The following LOC400499 variants were observed in gnomAD, a reference collection of about 807,000 sequenced individuals.
chr16:11,384,955 G>T, the LOC400499 span: 1 of 1,232,180 alleles, frequency 8.1e-7, no homozygotes, highest in Non-Finnish European at 1.0e-6. Context: ...CAGACACCCC[G>T]TCCTCGCTGG....
At chr16:11,464,126 A>G in the LOC400499 span, among the ~76,000 whole-genome samples, 114,560 of 152,142 alleles carry the variant, frequency 0.75, 43,719 homozygotes, top group Admixed American at 0.8. Flanking sequence ...ATGTTCGTGT[A>G]TGTAAATATG....
the LOC400499 span, chr16:11,446,980 C>A: frequency 6.8e-7 from 1 of 1,475,104 alleles, no homozygotes; most frequent in Non-Finnish European, 9.0e-7. Context: ...CAATTGTGCC[C>A]CACGGTCTCA....
the LOC400499 span, among the ~76,000 whole-genome samples, chr16:11,419,165 C>CA: frequency 1.0e-4 from 14 of 139,680 alleles, no homozygotes; most frequent in South Asian, 2.2e-4. Context: ...AACTCTGTCT[C>CA]AAAAAAACAA....
At chr16:11,426,650 T>C in the LOC400499 span, among the ~76,000 whole-genome samples, 4,153 of 151,434 alleles carry the variant, frequency 0.027, 187 homozygotes, top group African/African-American at 0.095. Flanking sequence ...CAGGCCAGGC[T>C]GGGTGCAGTG....
the LOC400499 span, among the ~76,000 whole-genome samples, chr16:11,490,396 G>GA: frequency 0.21 from 12,467 of 60,232 alleles, 1,498 homozygotes; most frequent in Non-Finnish European, 0.22. Flanking sequence ...ACTCTGTCTC[G>GA]AAAAAAAAAA....
chr16:11,491,725 G>T, the LOC400499 span: 4 of 397,868 alleles, frequency 1.0e-5, no homozygotes, highest in East Asian at 1.4e-4. Context: ...TCGCCTGCCT[G>T]GGTGCGCCGC....
the LOC400499 span, chr16:11,414,599 C>T: frequency 2.5e-6 from 1 of 399,080 alleles, no homozygotes; most frequent in South Asian, 1.3e-4. Flanking sequence ...AGGCCATGCC[C>T]TGTGGCCCTC....
chr16:11,379,799 T>A, the LOC400499 span, among the ~76,000 whole-genome samples: 1 of 152,060 alleles, frequency 6.6e-6, no homozygotes, highest in Non-Finnish European at 1.5e-5. Context: ...AGGATCTCAT[T>A]TGCTTTTGTG....
chr16:11,407,240 C>T, the LOC400499 span: 3 of 399,070 alleles, frequency 7.5e-6, no homozygotes, highest in Admixed American at 4.4e-5. Flanking sequence ...ATTGTTGAGA[C>T]CGGCCTTAGC....
At chr16:11,456,139 G>C in the LOC400499 span, among the ~76,000 whole-genome samples, 2 of 151,728 alleles carry the variant, frequency 1.3e-5, no homozygotes, top group Non-Finnish European at 2.9e-5. Context: ...CCGCCTCCTG[G>C]GTTCAAGCGA....
At chr16:11,503,059 A>G in the LOC400499 span, among the ~76,000 whole-genome samples, 3 of 151,146 alleles carry the variant, frequency 2.0e-5, no homozygotes, top group East Asian at 5.8e-4. Flanking sequence ...GTAGCTGGGA[A>G]TACTGGTGTG....
chr16:11,515,002 G>C, the LOC400499 span, among the ~76,000 whole-genome samples: 1 of 152,250 alleles, frequency 6.6e-6, no homozygotes, highest in East Asian at 1.9e-4. Flanking sequence ...GCGGGGAGGA[G>C]GGCGTGGGGA....
chr16:11,477,371 G>A, the LOC400499 span, among the ~76,000 whole-genome samples: 12 of 152,210 alleles, frequency 7.9e-5, no homozygotes, highest in African/African-American at 9.6e-5. Flanking sequence ...TTCCAGAATC[G>A]GACCAAATAT....
the LOC400499 span, among the ~76,000 whole-genome samples, chr16:11,410,254 G>A: frequency 9.8e-5 from 15 of 152,306 alleles, no homozygotes; most frequent in East Asian, 1.4e-3. Flanking sequence ...AGGAGTTTGC[G>A]ACCAGCCTGG....
chr16:11,376,174 G>A, the LOC400499 span, among the ~76,000 whole-genome samples: 1 of 152,188 alleles, frequency 6.6e-6, no homozygotes, highest in Non-Finnish European at 1.5e-5. Context: ...TTTTCACTCT[G>A]TTAATAGTAT....
At chr16:11,421,119 C>A in the LOC400499 span, among the ~76,000 whole-genome samples, 51 of 152,256 alleles carry the variant, frequency 3.3e-4, 1 homozygote, top group South Asian at 0.01. Flanking sequence ...TCAGACGGGC[C>A]CCAGGCACTC....
the LOC400499 span, chr16:11,390,324 C>T: frequency 4.1e-5 from 50 of 1,233,432 alleles, no homozygotes; most frequent in Non-Finnish European, 4.7e-5. Flanking sequence ...CCCTGATGGG[C>T]CTTGGACCCC....
At chr16:11,389,278 G>C in the LOC400499 span, among the ~76,000 whole-genome samples, 3 of 152,228 alleles carry the variant, frequency 2.0e-5, no homozygotes, top group African/African-American at 7.2e-5. Flanking sequence ...TCTAGCATTT[G>C]CTACCTAACG....
chr16:11,420,604 C>A, the LOC400499 span, among the ~76,000 whole-genome samples: 1,533 of 90,476 alleles, frequency 0.017, 68 homozygotes, highest in African/African-American at 0.076. Flanking sequence ...TAAACCCCCC[C>A]CCCCGGAAAA....
Sources: gnomAD v4.1 joint callset for allele counts (sites outside exome capture counted in the v4.1 genomes callset) on GRCh38, gnomAD v4.1.1 for gene constraint, MANE v1.5 for transcripts.